The following PMPCB variants were observed in gnomAD, a reference collection of about 807,000 sequenced individuals.
PMPCB encodes the protein peptidase, mitochondrial processing subunit beta.
A neutral mutation model predicts 61.5 loss-of-function variants in PMPCB; 46 were observed. The ratio of observed to expected loss-of-function variants is 0.75; its 90% CI spans 0.59 to 0.96. The LOEUF is 0.96. Among genes scored for constraint, PMPCB ranks in the 40% least tolerant of loss-of-function variants. The pLI is 0.00. For synonymous variants in PMPCB, 191 were observed against 201.6 expected (o/e 0.95, Z 0.44); for missense variants, 590 against 602.4 (o/e 0.98, Z 0.22).
At chr7:103,310,228 T>C (rs1045601066) in intron 8 of PMPCB, 87 bp from the exon 9 acceptor site, 1 of 938,964 alleles carries the variant, frequency 1.1e-6, no homozygotes, top group African/African-American at 1.7e-5. Context: ...TCTAAGGATA[T>C]TCACTATTTT....
intron 12 of PMPCB, chr7:103,322,181 A>C: frequency 1.1e-6 from 1 of 912,688 alleles, no homozygotes; most frequent in Non-Finnish European, 1.5e-6. Flanking sequence ...TATATTAGGA[A>C]AAAAGGCAAC....
chr7:103,331,614 T>C (rs949029158), downstream of PMPCB, among the ~76,000 whole-genome samples: 1 of 152,218 alleles, frequency 6.6e-6, no homozygotes, highest in African/African-American at 2.4e-5. Context: ...ACATGCAATA[T>C]TTGCCTTTCT....
chr7:103,297,997 C>CT (rs1408211135), intron 1 of PMPCB: 4 of 1,106,342 alleles, frequency 3.6e-6, no homozygotes, highest in Non-Finnish European at 1.1e-6. Context: ...GAGAGAGCCT[C>CT]TGACTTTAAG....
Position 103,312,406 on chromosome 7 carries a change from C to A in PMPCB, c.*135C>A. 2 of 1,511,370 alleles carry A rather than the reference C, an allele frequency of 1.3e-6. No homozygotes were observed. Among genetic ancestry groups the A allele is most frequent in the East Asian group, 2.4e-5 (1 of 41,692 alleles). The allele number at this position is 1,511,370 out of a possible 1,614,324, so 93.6% of individuals were successfully genotyped here. On this transcript the variant is annotated 3_prime_UTR_variant, in exon 13 of 13. Transcript: ENST00000249269. The stretch of plus-strand genomic sequence containing the variant: ...ATACTTTCAAAGGATAAAAAGACTA[C>A]CCCTCTGAAGGTTGTTTTGTATTAA...
At chr7:103,319,403 C>T (rs1185723083), downstream of PMPCB, among the ~76,000 whole-genome samples, 5 of 152,290 alleles carry the variant, frequency 3.3e-5, no homozygotes, top group African/African-American at 1.2e-4. Flanking sequence ...TGCCACTGCA[C>T]TCCAGCCTGG....
chr7:103,316,047 G>C, downstream of PMPCB: 3 of 1,601,250 alleles, frequency 1.9e-6, no homozygotes, highest in Non-Finnish European at 2.6e-6. Context: ...TTTGACTCCA[G>C]AGGAAGAATG....
At chr7:103,342,126 G>C in the PMPCB span, among the ~76,000 whole-genome samples, 1 of 152,154 alleles carries the variant, frequency 6.6e-6, no homozygotes, top group Non-Finnish European at 1.5e-5. Flanking sequence ...GGGTTAGCAA[G>C]AAATTATCCT....
the PMPCB span, among the ~76,000 whole-genome samples, chr7:103,342,903 C>T: frequency 6.6e-6 from 1 of 152,084 alleles, no homozygotes; most frequent in African/African-American, 2.4e-5. Context: ...CCACCGCGCC[C>T]GGCCTAGACA....
intron 6 of PMPCB, 88 bp from the exon 7 acceptor site, chr7:103,307,508 T>C: frequency 1.4e-6 from 1 of 737,754 alleles, no homozygotes; most frequent in East Asian, 2.6e-5. Context: ...ATAGTTCATG[T>C]GTAATGTACA....
chr7:103,316,744 G>A (rs1818081591), downstream of PMPCB: 1 of 1,127,272 alleles, frequency 8.9e-7, no homozygotes. Flanking sequence ...AAGTTTCTGT[G>A]ATAACAAGTG....
chr7:103,299,841 T>C (rs187615981), intron 3 of PMPCB, among the ~76,000 whole-genome samples: 2,938 of 152,304 alleles, frequency 0.019, 47 homozygotes, highest in Non-Finnish European at 0.029. Context: ...CGCAATCTGC[T>C]TACTGCAACC....
chr7:103,337,909 A>G, the PMPCB span: 2 of 844,178 alleles, frequency 2.4e-6, no homozygotes, highest in Non-Finnish European at 3.9e-6. Context: ...CCAAAGTGAC[A>G]TTTCATCAGG....
At chr7:103,323,950 TC>T (rs1464509779) in intron 12 of PMPCB, among the ~76,000 whole-genome samples, 2 of 152,228 alleles carry the variant, frequency 1.3e-5, no homozygotes, top group Non-Finnish European at 2.9e-5. Flanking sequence ...ATTTCGCTAG[TC>T]TGTCAAGTCT....
At chr7:103,332,515 A>T (rs1277067493), downstream of PMPCB, among the ~76,000 whole-genome samples, 1 of 152,246 alleles carries the variant, frequency 6.6e-6, no homozygotes, top group Non-Finnish European at 1.5e-5. Context: ...TATATTCAGC[A>T]TTAGAATTTT....
chr7:103,299,145 C>T (rs879783412), intron 2 of PMPCB, among the ~76,000 whole-genome samples: 9 of 152,110 alleles, frequency 5.9e-5, no homozygotes, highest in South Asian at 4.1e-4. Context: ...GGATTTCAAC[C>T]GAAGTTTTCT....
chr7:103,310,364 A>G lies in PMPCB; in HGVS notation c.1043A>G (p.His348Arg). 9.9e-6 allele frequency: 16 copies of G among 1,613,846 alleles called. No individual in the cohort carries two copies. Among genetic ancestry groups the G allele is most frequent in the Non-Finnish European group, 1.4e-5 (16 of 1,179,820 alleles). The stretch of plus-strand genomic sequence containing the variant: ...CTCACTTGTCATGGCAATCTTTGCC[A>G]TAGCTTTCAGTCTTTCAACACTTCC... The part of the protein sequence containing the change: ...AQLTCHGNLC[H>R]SFQSFNTSYT... Residue 348 changes from histidine to arginine, a missense_variant, in exon 9 of 13, where the codon CAT becomes CGT. Physicochemically the swap from His to Arg is conservative, Grantham distance 29. Transcript: ENST00000249269.
chr7:103,318,582 C>T (rs1323487718), downstream of PMPCB, among the ~76,000 whole-genome samples: 2 of 152,158 alleles, frequency 1.3e-5, no homozygotes, highest in East Asian at 3.9e-4. Context: ...TTCTTCTCAG[C>T]ATGTCCTTTG....
chr7:103,319,651 TGTGA>T (rs1818272727), downstream of PMPCB: 1 of 1,614,080 alleles, frequency 6.2e-7, no homozygotes, highest in Non-Finnish European at 8.5e-7. Context: ...TTGTGCATGA[TGTGA>T]GTGTTTCATT....
chr7:103,314,991 CAA>C (rs1184364946), downstream of PMPCB, among the ~76,000 whole-genome samples: 1 of 152,118 alleles, frequency 6.6e-6, no homozygotes, highest in East Asian at 1.9e-4. Flanking sequence ...ACATCCTAAA[CAA>C]AGACACACGT....
Sources: allele counts gnomAD v4.1 joint callset (sites outside exome capture counted in the v4.1 genomes callset), GRCh38; gene constraint gnomAD v4.1.1; transcripts MANE v1.5; gene names NCBI Gene and HGNC (gene_info 2026-07-23, HGNC 2026-07-21).